CTNNA2: variants seen among roughly 807,000 people sequenced by gnomAD.
CTNNA2 encodes catenin alpha 2, also known as catenin alpha-2.
In CTNNA2, 42 loss-of-function variants were observed where a neutral mutation model predicts 101.0. The ratio of observed to expected loss-of-function variants is 0.42; its 90% CI spans 0.32 to 0.54. The LOEUF (loss-of-function observed/expected upper bound fraction) is 0.54, where lower values mean the gene tolerates loss of function less well. CTNNA2 is among the 20% of genes least tolerant of loss of function. The pLI is 0.14. For synonymous variants in CTNNA2, 450 were observed against 456.4 expected, an observed-to-expected ratio of 0.99 and a Z score of 0.18; for missense variants, 871 against 1,223.1, an observed-to-expected ratio of 0.71 and a Z score of 4.29.
At chr2:79,338,575 A>ATCTTCTTCT (rs1239699778) in intron 3 of CTNNA2, among the ~76,000 whole-genome samples, 9,711 of 114,972 alleles carry the variant, frequency 0.084, 732 homozygotes, top group African/African-American at 0.11. Context: ...CTTCCTCCTC[A>ATCTTCTTCT]TCATCTTCTT....
chr2:79,706,231 C>T (rs7420447), intron 2 of CTNNA2, among the ~76,000 whole-genome samples: 84,369 of 150,906 alleles, frequency 0.56, 23,861 homozygotes, highest in East Asian at 0.79. Flanking sequence ...GGCGTGGTGG[C>T]GGGCGCCTGT....
chr2:79,789,597 G>A (rs532652573), intron 3 of CTNNA2, among the ~76,000 whole-genome samples: 2 of 152,134 alleles, frequency 1.3e-5, no homozygotes, highest in East Asian at 1.9e-4. Flanking sequence ...CATAATTAGC[G>A]CTCAGGGGCC....
intron 7 of CTNNA2, among the ~76,000 whole-genome samples, chr2:80,342,504 C>T (rs1672333434): frequency 6.6e-6 from 1 of 152,168 alleles, no homozygotes; most frequent in Non-Finnish European, 1.5e-5. Context: ...CATGGTCATC[C>T]TGAAATTAAC....
chr2:79,407,854 A>G (rs760179648), intron 4 of CTNNA2, among the ~76,000 whole-genome samples: 1 of 152,062 alleles, frequency 6.6e-6, no homozygotes, highest in Non-Finnish European at 1.5e-5. Context: ...TGGCCTAACA[A>G]AAGTATGCCA....
rs923336228 is a variant in CTNNA2, at chr2:79,412,174, G to C, written c.-135+38161G>C. 6.1e-4 allele frequency among the ~76,000 whole-genome samples: 93 copies of C among 152,088 alleles called. 2 individuals carry two copies. Among genetic ancestry groups the C allele is most frequent in the Middle Eastern group, 3.4e-3 (1 of 294 alleles). ...GGCCATTACAGAATGGTAAAGGGAT[G>C]AATTCAACAAGAAGAGCTAACTATC... On this transcript the variant is annotated intron_variant, in intron 4 of 21. Coordinates refer to the CTNNA2 transcript ENST00000466387.
intron 3 of CTNNA2, among the ~76,000 whole-genome samples, chr2:79,842,105 T>G (rs549456378): frequency 3.3e-4 from 50 of 152,340 alleles, no homozygotes; most frequent in African/African-American, 1.1e-3. Flanking sequence ...TTATTTAGAT[T>G]AGTTTTCAAA....
chr2:79,714,648 A>G (rs1011303241), intron 2 of CTNNA2, among the ~76,000 whole-genome samples: 2 of 90,278 alleles, frequency 2.2e-5, no homozygotes, highest in Non-Finnish European at 4.0e-5. Flanking sequence ...GATTTTGACT[A>G]TCAATCATCT....
intron 9 of CTNNA2, among the ~76,000 whole-genome samples, chr2:80,494,565 G>A (rs553434236): frequency 1.3e-5 from 2 of 150,218 alleles, no homozygotes; most frequent in Admixed American, 6.6e-5. Context: ...AGACTTAGGG[G>A]GCAGAAGAGG....
At chr2:80,093,632 G>A (rs922056409) in intron 7 of CTNNA2, among the ~76,000 whole-genome samples, 1 of 151,992 alleles carries the variant, frequency 6.6e-6, no homozygotes, top group African/African-American at 2.4e-5. Context: ...CAGAGTAAAA[G>A]TGTTCCTATT....
At chr2:80,339,115 C>T (rs2149275132) in intron 7 of CTNNA2, among the ~76,000 whole-genome samples, 1 of 152,238 alleles carries the variant, frequency 6.6e-6, no homozygotes, top group Non-Finnish European at 1.5e-5. Context: ...CTGAGGCTGA[C>T]ATATGGTAGA....
chr2:80,424,622 G>A (rs75848731), intron 9 of CTNNA2, among the ~76,000 whole-genome samples: 2 of 152,156 alleles, frequency 1.3e-5, no homozygotes, highest in East Asian at 3.9e-4. Flanking sequence ...CTTGAACCTA[G>A]GTTGTAGCAC....
chr2:80,350,657 T>C (rs1468508744), intron 7 of CTNNA2, among the ~76,000 whole-genome samples: 2 of 152,180 alleles, frequency 1.3e-5, no homozygotes, highest in African/African-American at 4.8e-5. Context: ...CCTAGGATTT[T>C]AATGAAAATT....
chr2:79,937,290 C>G (rs1234992659), intron 7 of CTNNA2, among the ~76,000 whole-genome samples: 2 of 152,158 alleles, frequency 1.3e-5, no homozygotes, highest in Non-Finnish European at 2.9e-5. Context: ...ACATATAGCA[C>G]TTTTATAAAG....
At chr2:80,343,236 G>A (rs1446243622) in intron 7 of CTNNA2, among the ~76,000 whole-genome samples, 1 of 151,940 alleles carries the variant, frequency 6.6e-6, no homozygotes, top group Non-Finnish European at 1.5e-5. Flanking sequence ...ACATTCTAGG[G>A]CTTATAATTT....
intron 8 of CTNNA2, among the ~76,000 whole-genome samples, chr2:80,396,900 C>T (rs1307933648): frequency 6.6e-6 from 1 of 152,138 alleles, no homozygotes; most frequent in Non-Finnish European, 1.5e-5. Context: ...TGACAAAGGT[C>T]TCAATTCTAT....
At chr2:80,591,110 AT>A in intron 15 of CTNNA2, among the ~76,000 whole-genome samples, 1 of 152,318 alleles carries the variant, frequency 6.6e-6, no homozygotes, top group East Asian at 1.9e-4. Context: ...TCTCTAGATT[AT>A]ATAACTGTGG....
chr2:80,141,274 C>T (rs142673096), intron 7 of CTNNA2, among the ~76,000 whole-genome samples: 45 of 151,942 alleles, frequency 3.0e-4, no homozygotes, highest in East Asian at 2.9e-3. Flanking sequence ...CTTTGTCTCG[C>T]GGAGGCCACA....
intron 3 of CTNNA2, among the ~76,000 whole-genome samples, chr2:79,833,726 G>A (rs2105438240): frequency 6.6e-6 from 1 of 152,274 alleles, no homozygotes; most frequent in African/African-American, 2.4e-5. Context: ...TCTTGGAAGA[G>A]CTCTCTTTCT....
At chr2:79,624,377 T>G (rs1185296912) in intron 1 of CTNNA2, among the ~76,000 whole-genome samples, 3 of 152,108 alleles carry the variant, frequency 2.0e-5, no homozygotes, top group African/African-American at 7.2e-5. Context: ...ACCTTCTAAA[T>G]TTACTTCAGT....
Sources: gnomAD v4.1 joint callset for allele counts (sites outside exome capture counted in the v4.1 genomes callset) on GRCh38, gnomAD v4.1.1 for gene constraint, MANE v1.5 for transcripts, NCBI Gene and HGNC (gene_info 2026-07-23, HGNC 2026-07-21) for gene names.